Variants in OPCML observed in about 807,000 individuals in gnomAD.
The protein encoded by OPCML is opioid-binding protein/cell adhesion molecule.
In OPCML, 13 loss-of-function variants were observed where a neutral mutation model predicts 37.8. The observed-to-expected ratio is 0.34, with a 90% CI of 0.22 to 0.55. The LOEUF (loss-of-function observed/expected upper bound fraction) is 0.55. OPCML is among the 20% of genes least tolerant of loss of function. The pLI is 0.91. For synonymous variants in OPCML, 176 were observed against 168.8 expected (o/e 1.04, Z -0.33); for missense variants, 341 against 435.6 (o/e 0.78, Z 1.93).
intron 2 of OPCML, among the ~76,000 whole-genome samples, chr11:132,704,491 C>CA (rs35217213): frequency 2.6e-5 from 4 of 151,832 alleles, no homozygotes; most frequent in African/African-American, 7.3e-5. Flanking sequence ...TGGGCACTCC[C>CA]AAAAAATGCC....
chr11:132,606,195 T>C (rs1485629364), intron 3 of OPCML, among the ~76,000 whole-genome samples: 1 of 152,212 alleles, frequency 6.6e-6, no homozygotes, highest in Admixed American at 6.5e-5. Flanking sequence ...CATCTACTTT[T>C]ATGGATCTAT....
intron 1 of OPCML, among the ~76,000 whole-genome samples, chr11:133,009,991 C>A (rs142632529): frequency 1.3e-5 from 2 of 152,194 alleles, no homozygotes; most frequent in South Asian, 4.1e-4. Flanking sequence ...ATTTGAGGAA[C>A]CCTTGAAAGT....
At chr11:133,375,294 C>G (rs947950114) in intron 1 of OPCML, among the ~76,000 whole-genome samples, 5 of 152,230 alleles carry the variant, frequency 3.3e-5, no homozygotes, top group African/African-American at 1.2e-4. Flanking sequence ...ACTCCACCAC[C>G]TCCACGCTGG....
intron 1 of OPCML, among the ~76,000 whole-genome samples, chr11:133,233,254 G>A (rs1436138487): frequency 6.6e-6 from 1 of 152,192 alleles, no homozygotes; most frequent in Non-Finnish European, 1.5e-5. Context: ...TAGGAAGGAT[G>A]TTCAGAGGAT....
intron 1 of OPCML, among the ~76,000 whole-genome samples, chr11:133,357,257 A>G (rs1944309548): frequency 6.6e-6 from 1 of 152,232 alleles, no homozygotes. Context: ...CACTTTGACC[A>G]GGGTTCAAAC....
At chr11:132,830,051 G>T (rs567438966) in intron 2 of OPCML, among the ~76,000 whole-genome samples, 1 of 152,094 alleles carries the variant, frequency 6.6e-6, no homozygotes, top group African/African-American at 2.4e-5. Context: ...GTATGGCACC[G>T]CTGGTTTGCA....
At chr11:133,117,572 G>A (rs114047431) in intron 1 of OPCML, among the ~76,000 whole-genome samples, 1 of 152,064 alleles carries the variant, frequency 6.6e-6, no homozygotes, top group Non-Finnish European at 1.5e-5. Context: ...TCGATGTTAT[G>A]CTCATATGAG....
intron 1 of OPCML, among the ~76,000 whole-genome samples, chr11:133,457,748 A>G (rs1029498888): frequency 2.6e-5 from 4 of 152,188 alleles, no homozygotes; most frequent in African/African-American, 4.8e-5. Context: ...ACATTCACAG[A>G]TAACTAAGAG....
rs77626825 is a variant in OPCML, at chr11:132,923,079, A to T, written c.146+19847T>A. On this transcript the variant is annotated intron_variant, in intron 2 of 7. Coordinates refer to ENST00000524381, the MANE Select transcript of OPCML (RefSeq NM_001012393.5). Reference sequence around the variant, plus strand: ...ACAGAGTGAGACTCCGTCTCAGAAAAAAATAAATAAATAAATAATAATAAT... The same window carrying T: ...ACAGAGTGAGACTCCGTCTCAGAAATAAATAAATAAATAAATAATAATAAT... Among the ~76,000 whole-genome samples, 8 of 146,074 alleles carry T rather than the reference A, an allele frequency of 5.5e-5. No individual in the cohort carries two copies. In the East Asian group the frequency reaches 1.2e-3, roughly 22 times the overall value.
At chr11:133,295,750 A>G (rs770333789) in intron 1 of OPCML, among the ~76,000 whole-genome samples, 2 of 152,366 alleles carry the variant, frequency 1.3e-5, no homozygotes, top group African/African-American at 2.4e-5. Flanking sequence ...TAGATAATTG[A>G]TAGCAATGCA....
At chr11:132,793,828 A>G (rs935722461) in intron 2 of OPCML, among the ~76,000 whole-genome samples, 2 of 151,900 alleles carry the variant, frequency 1.3e-5, no homozygotes, top group East Asian at 1.9e-4. Flanking sequence ...ACGATTTCCT[A>G]CCTAAGTGTC....
intron 2 of OPCML, among the ~76,000 whole-genome samples, chr11:132,785,552 T>A (rs1213173501): frequency 1.3e-5 from 2 of 152,200 alleles, no homozygotes; most frequent in Admixed American, 1.3e-4. Context: ...CAAAACCAGA[T>A]ACAATGCAAT....
At position 133,128,459 on chromosome 11, in the gene OPCML, C is replaced by T. The variant is rs1455164567; in HGVS notation, c.62-185449G>A. Among the ~76,000 whole-genome samples the T allele has an allele frequency of 2.6e-5, 4 of 152,162 alleles. No homozygotes were observed. In the South Asian group the frequency reaches 6.2e-4, roughly 24 times the overall value. On this transcript the variant is annotated intron_variant, in intron 1 of 7. Coordinates refer to ENST00000524381, the MANE Select transcript of OPCML (RefSeq NM_001012393.5). ...GGCTTCCTTTTATTCCTTTTGGAAT[C>T]CACTTTTCTGTACCACTCCCTGAGC...
At chr11:132,539,656 A>G (rs2096350825) in intron 3 of OPCML, among the ~76,000 whole-genome samples, 2 of 151,806 alleles carry the variant, frequency 1.3e-5, no homozygotes. Context: ...AAGATGGTAA[A>G]GATAGTGATG....
Position 133,384,364 on chromosome 11 carries a change from TACAG to T in OPCML, c.61+147896_61+147899del, listed in dbSNP as rs376373614. Among the ~76,000 whole-genome samples the T allele has an allele frequency of 1.6e-4, 24 of 151,868 alleles. No individual in the cohort carries two copies. In the East Asian group the frequency reaches 4.3e-3, roughly 27 times the overall value. On this transcript the variant is annotated intron_variant, in intron 1 of 7. Transcript: ENST00000524381. ...TGGTGTCAACCTCTCCCTTCCAAGCTACAGGTCAGAGGAAAAGCAAGAACTGTCA... is the reference window on the plus strand; with the variant it reads ...TGGTGTCAACCTCTCCCTTCCAAGCTGTCAGAGGAAAAGCAAGAACTGTCA...
rs2096013261 is a variant in OPCML, at chr11:132,436,416, T to G, written c.765-179A>C. 3 of 974,058 alleles carry G rather than the reference T, an allele frequency of 3.1e-6. No individual in the cohort carries two copies. In the South Asian group the frequency reaches 1.4e-4, roughly 46 times the overall value. The allele number at this position is 974,058 out of a possible 1,614,324, so 60.3% of individuals were successfully genotyped here. A position where few individuals can be genotyped will look rare whatever the true frequency, so the allele number is the denominator to read the frequency against. On this transcript the variant is annotated intron_variant, in intron 6 of 7. Transcript: ENST00000524381. ...TGGGATAAATGTACTGGCTTCTAAT[T>G]CCCAACGACTGACATGTCTACAACC...
chr11:132,643,812 G>T (rs368313182), intron 3 of OPCML, among the ~76,000 whole-genome samples: 8 of 152,156 alleles, frequency 5.3e-5, no homozygotes, highest in African/African-American at 1.9e-4. Context: ...TTTGGTCTGC[G>T]TTAGAGAGCC....
At chr11:132,808,314 G>A (rs1028998322) in intron 2 of OPCML, among the ~76,000 whole-genome samples, 2 of 152,230 alleles carry the variant, frequency 1.3e-5, no homozygotes, top group South Asian at 4.1e-4. Context: ...GTCTTGATGC[G>A]CAGTGTGAGA....
intron 3 of OPCML, among the ~76,000 whole-genome samples, chr11:132,585,327 T>C (rs954211554): frequency 6.6e-6 from 1 of 152,070 alleles, no homozygotes; most frequent in African/African-American, 2.4e-5. Context: ...ATAGGGTTAT[T>C]TAAGGTTACT....
Sources: gnomAD v4.1 joint callset for allele counts (sites outside exome capture counted in the v4.1 genomes callset) on GRCh38, gnomAD v4.1.1 for gene constraint, MANE v1.5 for transcripts, NCBI Gene and HGNC (gene_info 2026-07-23, HGNC 2026-07-21) for gene names.